The following DOK6 variants were observed in gnomAD, a reference collection of about 807,000 sequenced individuals.
DOK6 encodes downstream of tyrosine kinase 6.
In DOK6, 22 loss-of-function variants were observed where a neutral mutation model predicts 44.0. The observed-to-expected ratio is 0.50, with a 90% CI of 0.36 to 0.71. The LOEUF is 0.71. Among genes scored for constraint, DOK6 ranks in the 30% least tolerant of loss-of-function variants. The pLI is 0.00. For missense variants in DOK6, 340 were observed against 416.4 expected (o/e 0.82, Z 1.60); for synonymous variants, 166 against 145.5 (o/e 1.14, Z -1.01).
chr18:69,404,063 A>G (rs955426697), intron 1 of DOK6, among the ~76,000 whole-genome samples: 2 of 152,244 alleles, frequency 1.3e-5, no homozygotes, highest in Non-Finnish European at 2.9e-5. Flanking sequence ...TTCAAAAATC[A>G]AAGTCTGTGA....
intron 1 of DOK6, among the ~76,000 whole-genome samples, chr18:69,468,792 C>G (rs1980001921): frequency 6.6e-6 from 1 of 152,054 alleles, no homozygotes; most frequent in African/African-American, 2.4e-5. Flanking sequence ...TTTATTGCGG[C>G]TGCATGCAAG....
At chr18:69,481,161 G>T (rs1980408462) in intron 1 of DOK6, among the ~76,000 whole-genome samples, 1 of 152,192 alleles carries the variant, frequency 6.6e-6, no homozygotes, top group South Asian at 2.1e-4. Flanking sequence ...ATCCCTTGAG[G>T]TTCATATCTG....
intron 1 of DOK6, among the ~76,000 whole-genome samples, chr18:69,558,913 G>A (rs936479092): frequency 8.5e-5 from 13 of 152,058 alleles, no homozygotes; most frequent in African/African-American, 2.7e-4. Context: ...GCTATCAGAG[G>A]AAGCTGTATA....
intron 4 of DOK6, among the ~76,000 whole-genome samples, chr18:69,686,190 T>G (rs1261203469): frequency 2.0e-5 from 3 of 152,096 alleles, no homozygotes; most frequent in Non-Finnish European, 4.4e-5. Context: ...AAATCAACCC[T>G]GCTGGCACGC....
intron 3 of DOK6, among the ~76,000 whole-genome samples, chr18:69,600,770 T>C (rs780904317): frequency 3.3e-5 from 5 of 152,232 alleles, no homozygotes; most frequent in South Asian, 2.1e-4. Context: ...TTTGAATGTA[T>C]AGGAAATACT....
intron 7 of DOK6, among the ~76,000 whole-genome samples, chr18:69,774,864 A>G (rs1455767643): frequency 1.3e-5 from 2 of 152,036 alleles, no homozygotes; most frequent in Admixed American, 6.6e-5. Flanking sequence ...GAAGAAGTAC[A>G]TTGAGTTCCA....
chr18:69,580,455 G>A lies in DOK6; in HGVS notation c.174+15861G>A, dbSNP rs147204633. ...TGACCAACTGGAGAATACTCTGCTT[G>A]CTTTTAGAAAGCTTCCATGATGAAG... is the stretch of plus-strand genomic sequence containing the variant. On this transcript the variant is annotated intron_variant, in intron 2 of 7. Transcript: ENST00000382713. Among the ~76,000 whole-genome samples the A allele has an allele frequency of 3.5e-4, 54 of 152,268 alleles. 1 individual carries two copies. In the East Asian group the frequency reaches 8.5e-3, roughly 24 times the overall value.
At chr18:69,514,663 C>T (rs993920548) in intron 1 of DOK6, among the ~76,000 whole-genome samples, 8 of 151,336 alleles carry the variant, frequency 5.3e-5, no homozygotes, top group Non-Finnish European at 1.0e-4. Context: ...AACCAGCAAG[C>T]ATATTAATTT....
intron 7 of DOK6, among the ~76,000 whole-genome samples, chr18:69,789,355 AC>A (rs1418714913): frequency 3.9e-5 from 6 of 152,138 alleles, no homozygotes; most frequent in Non-Finnish European, 8.8e-5. Flanking sequence ...TTCTTTCCAA[AC>A]CAAAAATTAA....
At chr18:69,620,233 A>C (rs1305912072) in intron 3 of DOK6, among the ~76,000 whole-genome samples, 4 of 152,150 alleles carry the variant, frequency 2.6e-5, no homozygotes, top group Non-Finnish European at 5.9e-5. Context: ...ATTTTCTGAA[A>C]TTTATATAAA....
At chr18:69,610,041 T>TG (rs1984100516) in intron 3 of DOK6, among the ~76,000 whole-genome samples, 1 of 152,158 alleles carries the variant, frequency 6.6e-6, no homozygotes, top group Admixed American at 6.5e-5. Flanking sequence ...GGCATAAAGT[T>TG]TCAGTTAAGC....
At chr18:69,615,499 G>A (rs930413819) in intron 3 of DOK6, among the ~76,000 whole-genome samples, 1 of 152,234 alleles carries the variant, frequency 6.6e-6, no homozygotes, top group Admixed American at 6.5e-5. Flanking sequence ...AAGAGATGTG[G>A]AAGAAATCAT....
At chr18:69,782,845 A>C (rs1435326229) in intron 7 of DOK6, among the ~76,000 whole-genome samples, 1 of 152,212 alleles carries the variant, frequency 6.6e-6, no homozygotes, top group Non-Finnish European at 1.5e-5. Flanking sequence ...TTAAAACACA[A>C]GCTTGCTATT....
At chr18:69,772,905 C>T (rs1291165860) in intron 7 of DOK6, among the ~76,000 whole-genome samples, 1 of 151,936 alleles carries the variant, frequency 6.6e-6, no homozygotes, top group Non-Finnish European at 1.5e-5. Flanking sequence ...AAGCAGTCAA[C>T]CTGTGGAATG....
Position 69,489,831 on chromosome 18 carries a change from G to A in DOK6, c.67-74656G>A, listed in dbSNP as rs192847457. On this transcript the variant is annotated intron_variant, in intron 1 of 7. Coordinates refer to ENST00000382713, the MANE Select transcript of DOK6 (RefSeq NM_152721.6). Reference sequence around the variant, plus strand: ...GTTAATATTTCTTTAGAAGGTGATGGAAGAAAACAGCAGTATTTTTTCCAA... The same window carrying A: ...GTTAATATTTCTTTAGAAGGTGATGAAAGAAAACAGCAGTATTTTTTCCAA... 1.2e-4 allele frequency among the ~76,000 whole-genome samples: 18 copies of A among 151,412 alleles called. No individual in the cohort carries two copies. In the East Asian group the frequency reaches 3.1e-3, roughly 26 times the overall value.
intron 1 of DOK6, among the ~76,000 whole-genome samples, chr18:69,456,462 G>T (rs1490359882): frequency 6.6e-6 from 1 of 152,074 alleles, no homozygotes; most frequent in East Asian, 1.9e-4. Context: ...CATCCATGTT[G>T]CTGCAAAGGA....
At chr18:69,744,424 G>A (rs7244507) in intron 6 of DOK6, among the ~76,000 whole-genome samples, 8 of 151,776 alleles carry the variant, frequency 5.3e-5, no homozygotes, top group Non-Finnish European at 1.0e-4. Context: ...TGATTGCTGA[G>A]AGTGATCACA....
At chr18:69,835,597 A>G (rs935852981) in intron 7 of DOK6, among the ~76,000 whole-genome samples, 1 of 152,160 alleles carries the variant, frequency 6.6e-6, no homozygotes, top group African/African-American at 2.4e-5. Context: ...TCCACCATCC[A>G]TCCATGCTTA....
intron 1 of DOK6, among the ~76,000 whole-genome samples, chr18:69,443,598 G>A (rs1422269662): frequency 6.6e-6 from 1 of 152,096 alleles, no homozygotes. Context: ...TGATATGATT[G>A]TGCTTGAGAC....
Sources: gnomAD v4.1 joint callset for allele counts (sites outside exome capture counted in the v4.1 genomes callset) on GRCh38, gnomAD v4.1.1 for gene constraint, MANE v1.5 for transcripts, NCBI Gene and HGNC (gene_info 2026-07-23, HGNC 2026-07-21) for gene names.